Variants in BCL2 observed in about 807,000 individuals in gnomAD.
BCL2 encodes BCL2 apoptosis regulator, also known as apoptosis regulator Bcl-2.
Under a neutral mutation model 14.2 loss-of-function variants are expected in BCL2, and 1 was observed. That is an observed-to-expected ratio of 0.07 (90% CI 0.02 to 0.33). BCL2 has a LOEUF of 0.33. BCL2 is among the 10% of genes least tolerant of loss of function. BCL2 has a pLI of 0.99. For synonymous variants in BCL2, 151 were observed against 137.2 expected (o/e 1.10, Z -0.70); for missense variants, 247 against 305.9 (o/e 0.81, Z 1.44).
At chr18:63,188,623 A>T (rs77286619) in intron 2 of BCL2, among the ~76,000 whole-genome samples, 3,133 of 152,268 alleles carry the variant, frequency 0.021, 49 homozygotes, top group Non-Finnish European at 0.035. Context: ...ACTTTTGAAT[A>T]ATTTAATTAT....
Position 63,261,258 on chromosome 18 carries a change from A to G in BCL2, c.585+56824T>C, listed in dbSNP as rs180849595. Among the ~76,000 whole-genome samples, 242 of 152,312 alleles carry G rather than the reference A, an allele frequency of 1.6e-3. 6 individuals carry two copies. In the South Asian group the frequency reaches 0.028, roughly 18 times the overall value. ...TTCCCTTTGGTGAACTAGTTTTCCA[A>G]GAGCCGACAACTAGCTGCTTGGTTG... On this transcript the variant is annotated intron_variant, in intron 2 of 2. Transcript: ENST00000333681.
At chr18:63,169,311 C>CTTA (rs1568222484) in intron 2 of BCL2, among the ~76,000 whole-genome samples, 1 of 33,362 alleles carries the variant, frequency 3.0e-5, no homozygotes, top group Non-Finnish European at 4.7e-5. Context: ...TTTCTTTCTT[C>CTTA]CTTCCTTCCT....
chr18:63,138,919 A>G (rs1282039931), intron 2 of BCL2, among the ~76,000 whole-genome samples: 1 of 152,242 alleles, frequency 6.6e-6, no homozygotes, highest in Admixed American at 6.5e-5. Flanking sequence ...TGAGAAGCCC[A>G]AATGGGTGCT....
intron 2 of BCL2, among the ~76,000 whole-genome samples, chr18:63,184,519 T>A (rs899547763): frequency 6.6e-6 from 1 of 152,212 alleles, no homozygotes; most frequent in Non-Finnish European, 1.5e-5. Flanking sequence ...TCCATAGAGC[T>A]CTGCTTTGCA....
chr18:63,318,755 A>C lies in BCL2; in HGVS notation c.-89T>G, dbSNP rs923994333. 5 of 1,562,136 alleles carry C rather than the reference A, an allele frequency of 3.2e-6. No homozygotes were observed. In the African/African-American group the frequency reaches 5.6e-5, roughly 17 times the overall value. Reference sequence around the variant, plus strand: ...CCCCAGAGAAAGAAGAGGAGTTATAATCCAGCTATTTTATTGGATGTGCTT... The same window carrying C: ...CCCCAGAGAAAGAAGAGGAGTTATACTCCAGCTATTTTATTGGATGTGCTT... On this transcript the variant is annotated 5_prime_UTR_variant, in exon 2 of 3. Coordinates refer to ENST00000333681, the MANE Select transcript of BCL2 (RefSeq NM_000633.3). The surrounding 1 kb of genome is among the most constrained non-coding windows in gnomAD (Gnocchi z 7.4).
intron 2 of BCL2, among the ~76,000 whole-genome samples, chr18:63,193,344 A>C (rs954639758): frequency 2.0e-5 from 3 of 151,904 alleles, no homozygotes; most frequent in African/African-American, 7.3e-5. Context: ...TCTTAACATG[A>C]GATTTGCTTA....
At chr18:63,281,624 G>T (rs982168587) in intron 2 of BCL2, among the ~76,000 whole-genome samples, 1 of 147,670 alleles carries the variant, frequency 6.8e-6, no homozygotes. Context: ...CCATGTTCAT[G>T]CCACTGCACT....
intron 2 of BCL2, among the ~76,000 whole-genome samples, chr18:63,170,884 A>G (rs1915205810): frequency 6.6e-6 from 1 of 152,250 alleles, no homozygotes; most frequent in African/African-American, 2.4e-5. Context: ...TTGGCTGGAC[A>G]CTGATAGAGA....
intron 2 of BCL2, among the ~76,000 whole-genome samples, chr18:63,140,110 T>C (rs984724269): frequency 1.3e-5 from 2 of 152,168 alleles, no homozygotes; most frequent in Non-Finnish European, 2.9e-5. Flanking sequence ...AGAGATCACA[T>C]CCACTAGAGT....
At chr18:63,129,482 C>T (rs1914006810) in intron 2 of BCL2, among the ~76,000 whole-genome samples, 1 of 152,026 alleles carries the variant, frequency 6.6e-6, no homozygotes, top group African/African-American at 2.4e-5. Flanking sequence ...TCTTACTATA[C>T]TTTCCAGGCT....
chr18:63,287,359 A>T (rs1912505402), intron 2 of BCL2, among the ~76,000 whole-genome samples: 1 of 152,260 alleles, frequency 6.6e-6, no homozygotes, highest in African/African-American at 2.4e-5. Context: ...TTAGGAAGAT[A>T]AATGGCATTG....
chr18:63,216,552 G>A (rs577609635), intron 2 of BCL2, among the ~76,000 whole-genome samples: 2 of 152,262 alleles, frequency 1.3e-5, no homozygotes, highest in South Asian at 4.1e-4. Context: ...ACAGAGAACT[G>A]TAATTGCTTT....
chr18:63,224,903 G>A (rs1206133579), intron 2 of BCL2, among the ~76,000 whole-genome samples: 1 of 152,122 alleles, frequency 6.6e-6, no homozygotes, highest in Non-Finnish European at 1.5e-5. Context: ...TAAAACAAGA[G>A]AGAGAATCCA....
intron 2 of BCL2, among the ~76,000 whole-genome samples, chr18:63,289,887 C>T (rs1912598023): frequency 6.6e-6 from 1 of 152,066 alleles, no homozygotes; most frequent in African/African-American, 2.4e-5. Context: ...AGCGAGACTC[C>T]ACCTCAAGAA....
intron 2 of BCL2, among the ~76,000 whole-genome samples, chr18:63,214,916 C>G (rs1012938909): frequency 6.6e-6 from 1 of 152,058 alleles, no homozygotes; most frequent in Non-Finnish European, 1.5e-5. Flanking sequence ...ACCATGTTGG[C>G]CAGGCTGGTC....
At chr18:63,138,696 A>G (rs985474513) in intron 2 of BCL2, among the ~76,000 whole-genome samples, 12 of 152,358 alleles carry the variant, frequency 7.9e-5, no homozygotes, top group African/African-American at 2.4e-4. Flanking sequence ...ACATGGGCCA[A>G]TGACATTCGT....
At chr18:63,316,616 CTT>C (rs1913504883) in intron 2 of BCL2, 1 of 152,142 alleles carries the variant, frequency 6.6e-6, no homozygotes, top group Non-Finnish European at 1.5e-5. Context: ...TTTAGTTAAT[CTT>C]ACTTTTAAAC....
At chr18:63,142,270 G>A (rs1338804021) in intron 2 of BCL2, among the ~76,000 whole-genome samples, 3 of 152,236 alleles carry the variant, frequency 2.0e-5, no homozygotes, top group African/African-American at 7.2e-5. Context: ...GCTGGAGGAT[G>A]CGGCATCCTC....
rs1478115321 is a variant in BCL2, at chr18:63,318,690, G to C, written c.-24C>G. The C allele has an allele frequency of 1.9e-6, 3 of 1,611,990 alleles. No individual in the cohort carries two copies. The highest frequency in any genetic ancestry group is 2.2e-5 in the South Asian group (2 of 91,038). On this transcript the variant is annotated 5_prime_UTR_variant, in exon 2 of 3. Transcript: ENST00000333681. The surrounding 1 kb of genome is among the most constrained non-coding windows in gnomAD (Gnocchi z 7.4). ...ATCCTTCCCAGAGGAAAAGCAACGG[G>C]GGCCAACGGCACCTCTCGCCCCAGC...
Sources: gnomAD v4.1 joint callset for allele counts (sites outside exome capture counted in the v4.1 genomes callset) on GRCh38, gnomAD v4.1.1 for gene constraint, Gnocchi (gnomAD v3.1) non-coding constraint, MANE v1.5 for transcripts, NCBI Gene and HGNC (gene_info 2026-07-23, HGNC 2026-07-21) for gene names.